The following ATE1 variants were observed in gnomAD, a reference collection of about 807,000 sequenced individuals.
ATE1 encodes the protein arginyl-tRNA--protein transferase 1.
ATE1 carries 36 observed loss-of-function variants against 70.5 expected under a neutral mutation model. That is an observed-to-expected ratio of 0.51 (90% CI 0.39 to 0.67). The LOEUF (loss-of-function observed/expected upper bound fraction) is 0.67, where lower values mean the gene tolerates loss of function less well. ATE1 is among the 30% of genes least tolerant of loss of function. The pLI is 0.00. For synonymous variants in ATE1, 232 were observed against 219.3 expected, an observed-to-expected ratio of 1.06 and a Z score of -0.51; for missense variants, 593 against 629.5, an observed-to-expected ratio of 0.94 and a Z score of 0.62.
rs577011706 is a variant in ATE1 at position 121,842,174 on chromosome 10, A to G, written c.976-911T>C. ...GAAAACAAAGTTATTCTTCATTATT[A>G]TCTTAATTTAACTATAACTTCACAG... On this transcript the variant is annotated intron_variant, in intron 8 of 11. Coordinates refer to ENST00000224652, the MANE Select transcript of ATE1 (RefSeq NM_001001976.3). Among the ~76,000 whole-genome samples, 14 of 152,278 alleles carry G rather than the reference A, an allele frequency of 9.2e-5. No homozygotes were observed. The South Asian group carries it at 2.9e-3, about 32-fold the overall frequency.
At chr10:121,880,261 G>T (rs796119675) in intron 7 of ATE1, among the ~76,000 whole-genome samples, 17 of 152,044 alleles carry the variant, frequency 1.1e-4, no homozygotes, top group African/African-American at 4.1e-4. Context: ...CCCACATCTT[G>T]TCAGGTACAT....
intron 11 of ATE1, among the ~76,000 whole-genome samples, chr10:121,758,794 T>A (rs996216641): frequency 6.6e-5 from 10 of 152,200 alleles, no homozygotes; most frequent in African/African-American, 1.9e-4. Flanking sequence ...TATTATTATA[T>A]CTGTTATGGT....
rs747938096 is a variant in ATE1, at chr10:121,908,467, G to A, written c.583+2439C>T. 1.6e-4 allele frequency among the ~76,000 whole-genome samples: 24 copies of A among 152,174 alleles called. 1 individual carries two copies. Among genetic ancestry groups the A allele is most frequent in the South Asian group, 1.2e-3 (6 of 4,832 alleles). On this transcript the variant is annotated intron_variant, in intron 5 of 11. Coordinates refer to ENST00000224652, the MANE Select transcript of ATE1 (RefSeq NM_001001976.3). ...TGCAGTGAGCCCAGACCGCGCCACA[G>A]CACTCCAGCGTAGGCGACAGAGTGA... is the stretch of plus-strand genomic sequence containing the variant.
chr10:121,928,178 C>T, upstream of ATE1: 1 of 1,294,402 alleles, frequency 7.7e-7, no homozygotes, highest in South Asian at 2.2e-5. Flanking sequence ...TAAGGGGCCG[C>T]CGTCGTCAGT....
intron 10 of ATE1, among the ~76,000 whole-genome samples, chr10:121,826,633 A>C (rs914040347): frequency 3.3e-5 from 5 of 152,152 alleles, no homozygotes; most frequent in African/African-American, 1.2e-4. Context: ...CTTTTATTTT[A>C]GAATCAGAGG....
intron 11 of ATE1, among the ~76,000 whole-genome samples, chr10:121,769,733 A>C (rs1023724011): frequency 1.3e-5 from 2 of 152,264 alleles, no homozygotes; most frequent in African/African-American, 4.8e-5. Flanking sequence ...GATGGGGATT[A>C]ATGGACGGCA....
At chr10:121,833,877 C>G (rs1042918760) in intron 10 of ATE1, among the ~76,000 whole-genome samples, 1 of 152,132 alleles carries the variant, frequency 6.6e-6, no homozygotes, top group Non-Finnish European at 1.5e-5. Flanking sequence ...TAATCTGGTA[C>G]AGTGATTCTC....
intron 8 of ATE1, among the ~76,000 whole-genome samples, chr10:121,842,786 C>T (rs1372522497): frequency 1.3e-5 from 2 of 152,156 alleles, no homozygotes; most frequent in Non-Finnish European, 2.9e-5. Context: ...GGAAACATTA[C>T]TGGCAAGACC....
intron 8 of ATE1, chr10:121,846,524 A>G (rs1948828686): frequency 6.8e-6 from 1 of 148,016 alleles, no homozygotes; most frequent in Admixed American, 6.6e-5. Context: ...AACCACCACA[A>G]GAGAGGATTT....
Position 121,913,821 on chromosome 10 carries a change from A to C in ATE1, c.306T>G (p.Ala102=). 1 of 1,613,320 alleles carries C rather than the reference A, an allele frequency of 6.2e-7. No individual in the cohort carries two copies. The highest frequency in any genetic ancestry group is 8.5e-7 in the Non-Finnish European group (1 of 1,179,384). The stretch of plus-strand genomic sequence containing the variant: ...AACTTCCTTTGGGAACCTCCCCTTT[A>C]GCTAGAAATTTCAACATTTTTTTCA... The part of the protein sequence containing the change: ...KVLKKMLKFL[A]KGEVPKGSCE... Residue 102 remains alanine, a synonymous_variant, in exon 4 of 12, where the codon GCT becomes GCG. Coordinates refer to ENST00000224652, the MANE Select transcript of ATE1 (RefSeq NM_001001976.3).
intron 7 of ATE1, among the ~76,000 whole-genome samples, chr10:121,897,019 T>C (rs1241311657): frequency 6.6e-6 from 1 of 152,082 alleles, no homozygotes; most frequent in African/African-American, 2.4e-5. Flanking sequence ...GGCAAACACC[T>C]ACTCATCTTT....
intron 8 of ATE1, among the ~76,000 whole-genome samples, chr10:121,863,889 C>T (rs555442075): frequency 6.6e-6 from 1 of 152,340 alleles, no homozygotes; most frequent in South Asian, 2.1e-4. Context: ...GCTAGGATTA[C>T]AGGCATAAGC....
intron 1 of ATE1, among the ~76,000 whole-genome samples, chr10:121,925,530 C>T (rs539657614): frequency 6.6e-6 from 1 of 151,462 alleles, no homozygotes; most frequent in South Asian, 2.1e-4. Context: ...GGAATAATCA[C>T]GCAACTATGA....
intron 7 of ATE1, among the ~76,000 whole-genome samples, chr10:121,889,639 C>T (rs796402292): frequency 5.7e-4 from 86 of 152,008 alleles, no homozygotes; most frequent in African/African-American, 1.9e-3. Context: ...TCTACCTCTA[C>T]AAAAGGAAAA....
At chr10:121,912,399 C>A (rs1951474723) in intron 4 of ATE1, among the ~76,000 whole-genome samples, 1 of 151,732 alleles carries the variant, frequency 6.6e-6, no homozygotes, top group Non-Finnish European at 1.5e-5. Flanking sequence ...CACCTGTAAT[C>A]CCAGCACTTT....
chr10:121,875,556 C>T (rs991136446), intron 7 of ATE1, among the ~76,000 whole-genome samples: 4 of 152,082 alleles, frequency 2.6e-5, no homozygotes, highest in Non-Finnish European at 4.4e-5. Flanking sequence ...CTGCCCGCCT[C>T]GGCCTCCCAA....
intron 1 of ATE1, chr10:121,927,128 T>C: frequency 2.0e-6 from 2 of 985,406 alleles, no homozygotes; most frequent in Non-Finnish European, 1.2e-6. Context: ...AAACACGATG[T>C]TTTGTTTACC....
chr10:121,838,421 C>T lies in ATE1; in HGVS notation c.1158-1604G>A, dbSNP rs576187355. On this transcript the variant is annotated intron_variant, in intron 9 of 11. Coordinates refer to ENST00000224652, the MANE Select transcript of ATE1 (RefSeq NM_001001976.3). ...AGGCTCTCTACGTCCTTCCCTACAC[C>T]CGAGCCCAAAAGGCATTTTTGTTTT... Among the ~76,000 whole-genome samples, 7 of 152,250 alleles carry T rather than the reference C, an allele frequency of 4.6e-5. No homozygotes were observed. In the East Asian group the frequency reaches 1.4e-3, roughly 29 times the overall value.
chr10:121,835,263 T>A (rs1452604015), intron 10 of ATE1, among the ~76,000 whole-genome samples: 1 of 152,114 alleles, frequency 6.6e-6, no homozygotes, highest in Non-Finnish European at 1.5e-5. Flanking sequence ...CAGGACACCT[T>A]GATCAGCTTA....
Sources: gnomAD v4.1 joint callset for allele counts (sites outside exome capture counted in the v4.1 genomes callset) on GRCh38, gnomAD v4.1.1 for gene constraint, MANE v1.5 for transcripts, NCBI Gene and HGNC (gene_info 2026-07-23, HGNC 2026-07-21) for gene names.